Variants in PDE4D observed in about 807,000 individuals in gnomAD.
The protein encoded by PDE4D is 3',5'-cyclic-AMP phosphodiesterase 4D.
A neutral mutation model predicts 87.4 loss-of-function variants in PDE4D; 24 were observed. The ratio of observed to expected loss-of-function variants is 0.27; its 90% confidence interval spans 0.20 to 0.39. The LOEUF is 0.39. Among genes scored for constraint, PDE4D ranks in the 10% least tolerant of loss-of-function variants. The pLI is 1.00. For missense variants in PDE4D, 714 were observed against 1,041.0 expected, an observed-to-expected ratio of 0.69 and a Z score of 4.32; for synonymous variants, 384 against 383.2, an observed-to-expected ratio of 1.00 and a Z score of -0.02.
chr5:59,868,076 G>T (rs1263407487), intron 1 of PDE4D, among the ~76,000 whole-genome samples: 1 of 152,100 alleles, frequency 6.6e-6, no homozygotes, highest in South Asian at 2.1e-4. Flanking sequence ...AGGTTGCAAA[G>T]TCAAGTAAAA....
intron 2 of PDE4D, among the ~76,000 whole-genome samples, chr5:60,065,850 T>C (rs966071205): frequency 6.6e-6 from 1 of 152,194 alleles, no homozygotes; most frequent in Non-Finnish European, 1.5e-5. Context: ...GACATTTACA[T>C]TGGTTCCAAG....
At chr5:59,566,536 G>A (rs1406923315) in intron 1 of PDE4D, among the ~76,000 whole-genome samples, 3 of 1,212 alleles carry the variant, frequency 2.5e-3, no homozygotes, top group East Asian at 6.5e-3. Context: ...ACAGTTTCAT[G>A]TGTGTGTGTG....
chr5:58,992,839 T>C (rs1748224284), intron 7 of PDE4D, among the ~76,000 whole-genome samples: 1 of 152,196 alleles, frequency 6.6e-6, no homozygotes, highest in Admixed American at 6.5e-5. Flanking sequence ...ATTACTGACC[T>C]TTATTTACTG....
At chr5:60,172,320 C>T (rs766089315) in intron 2 of PDE4D, among the ~76,000 whole-genome samples, 73 of 149,308 alleles carry the variant, frequency 4.9e-4, no homozygotes, top group Non-Finnish European at 3.1e-4. Context: ...AATATTTGAA[C>T]GTATTCAGAC....
chr5:59,340,562 A>G (rs1448393385), intron 1 of PDE4D, among the ~76,000 whole-genome samples: 1 of 152,190 alleles, frequency 6.6e-6, no homozygotes, highest in African/African-American at 2.4e-5. Context: ...TAATTAAAAA[A>G]TGTACAATAA....
intron 1 of PDE4D, among the ~76,000 whole-genome samples, chr5:59,322,942 A>G (rs1227405692): frequency 6.6e-6 from 1 of 152,134 alleles, no homozygotes; most frequent in Non-Finnish European, 1.5e-5. Flanking sequence ...TTTGTAGTTG[A>G]TTGTTCGGTA....
rs569991825 is a variant in PDE4D, at chr5:59,115,087, G to A, written c.808+65508C>T. Among the ~76,000 whole-genome samples the A allele has an allele frequency of 2.1e-5, 3 of 140,988 alleles. No homozygotes were observed. The South Asian group carries it at 6.9e-4, about 33-fold the overall frequency. 92.5% of individuals were successfully genotyped at this position (140,988 alleles called of 152,430 possible). A position where few individuals can be genotyped will look rare whatever the true frequency, so the allele number is the denominator to read the frequency against. On this transcript the variant is annotated intron_variant, in intron 5 of 14. Coordinates refer to ENST00000340635, the MANE Select transcript of PDE4D (RefSeq NM_001104631.2). ...AAAGAGGGAGAAGGGGCGATAGATGGAGCAATGTCCAGGAGGAGACATTGA... is the reference window on the plus strand; with the variant it reads ...AAAGAGGGAGAAGGGGCGATAGATGAAGCAATGTCCAGGAGGAGACATTGA...
chr5:59,768,331 G>T (rs766066406), intron 1 of PDE4D: 2 of 1,598,286 alleles, frequency 1.3e-6, no homozygotes, highest in East Asian at 2.2e-5. Flanking sequence ...GGAATTTCTC[G>T]GAGAGATCAC....
intron 5 of PDE4D, among the ~76,000 whole-genome samples, chr5:59,055,150 G>T (rs891128993): frequency 6.6e-5 from 10 of 152,252 alleles, no homozygotes; most frequent in African/African-American, 2.4e-4. Flanking sequence ...GCAGTGGCTA[G>T]AACTGTGGAG....
intron 1 of PDE4D, among the ~76,000 whole-genome samples, chr5:59,610,579 T>C (rs998257941): frequency 6.6e-6 from 1 of 152,188 alleles, no homozygotes; most frequent in Non-Finnish European, 1.5e-5. Flanking sequence ...AAAATGTTCA[T>C]TGATTCAAAG....
intron 1 of PDE4D, among the ~76,000 whole-genome samples, chr5:59,499,882 A>G (rs1452110164): frequency 4.3e-5 from 2 of 46,020 alleles, no homozygotes; most frequent in Non-Finnish European, 8.5e-5. Flanking sequence ...GAAAGTATTC[A>G]AAAAAAAAAA....
At chr5:59,585,094 C>T (rs1197489750) in intron 1 of PDE4D, among the ~76,000 whole-genome samples, 1 of 152,148 alleles carries the variant, frequency 6.6e-6, no homozygotes, top group Non-Finnish European at 1.5e-5. Context: ...GCAGGCATGT[C>T]ACCCAAGCAT....
chr5:60,419,551 ATTC>A (rs1032776781), intron 1 of PDE4D, among the ~76,000 whole-genome samples: 4 of 151,706 alleles, frequency 2.6e-5, no homozygotes, highest in African/African-American at 9.7e-5. Context: ...TTTGCTACAT[ATTC>A]TTCTATAGCC....
chr5:60,475,037 TAA>T (rs759016729), intron 1 of PDE4D, among the ~76,000 whole-genome samples: 33 of 152,208 alleles, frequency 2.2e-4, no homozygotes, highest in Admixed American at 3.9e-4. Flanking sequence ...AAAACTTATG[TAA>T]AAGAGTCTTT....
chr5:60,458,386 C>CAAAAAAAAAAAAAAAAAAAA (rs61006284), intron 1 of PDE4D, among the ~76,000 whole-genome samples: 2 of 75,184 alleles, frequency 2.7e-5, no homozygotes, highest in Admixed American at 1.5e-4. Context: ...GACTTCATTG[C>CAAAAAAAAAAAAAAAAAAAA]AAAAAAAAAA....
At chr5:59,511,555 G>C (rs1810285119) in intron 1 of PDE4D, among the ~76,000 whole-genome samples, 1 of 151,832 alleles carries the variant, frequency 6.6e-6, no homozygotes. Context: ...TATGCACAAT[G>C]GTAGCAGGGA....
intron 1 of PDE4D, chr5:59,586,863 G>C (rs764202621): frequency 5.3e-5 from 52 of 985,302 alleles, no homozygotes; most frequent in Non-Finnish European, 5.9e-5. Context: ...CTTTAGAAAT[G>C]AATATTGCTT....
intron 1 of PDE4D, among the ~76,000 whole-genome samples, chr5:60,509,383 T>G (rs1307521186): frequency 2.0e-5 from 3 of 152,246 alleles, no homozygotes; most frequent in Non-Finnish European, 4.4e-5. Flanking sequence ...AATTTTTCAC[T>G]GCTTCACGCT....
At chr5:60,035,468 C>T (rs1474402936) in intron 2 of PDE4D, among the ~76,000 whole-genome samples, 2 of 152,102 alleles carry the variant, frequency 1.3e-5, no homozygotes, top group African/African-American at 2.4e-5. Flanking sequence ...GTTCACATGG[C>T]GAGTCACTCT....
Sources: gnomAD v4.1 joint callset for allele counts (sites outside exome capture counted in the v4.1 genomes callset) on GRCh38, gnomAD v4.1.1 for gene constraint, MANE v1.5 for transcripts, NCBI Gene and HGNC (gene_info 2026-07-23, HGNC 2026-07-21) for gene names.